The following IPO7 variants were observed in gnomAD, a reference collection of about 807,000 sequenced individuals.
The protein encoded by IPO7 is importin 7, also known as importin-7.
A neutral mutation model predicts 136.4 loss-of-function variants in IPO7; 13 were observed. That is an observed-to-expected ratio of 0.10 (90% CI 0.06 to 0.15). The LOEUF is 0.15. Ranked by LOEUF, IPO7 falls within the 10% of genes least tolerant of loss-of-function variation. The pLI is 1.00. For synonymous variants in IPO7, 403 were observed against 404.4 expected (o/e 1.00, Z 0.04); for missense variants, 857 against 1,240.6 (o/e 0.69, Z 4.65).
At chr11:9,418,062 C>T (rs1057363918) in intron 6 of IPO7, among the ~76,000 whole-genome samples, 3 of 149,894 alleles carry the variant, frequency 2.0e-5, no homozygotes, top group South Asian at 4.2e-4. Flanking sequence ...TTACTGAATA[C>T]GCTGTTTTGT....
At chr11:9,442,758 C>T (rs966429468) in intron 24 of IPO7, among the ~76,000 whole-genome samples, 12 of 151,102 alleles carry the variant, frequency 7.9e-5, no homozygotes, top group African/African-American at 2.4e-4. Flanking sequence ...TGTGGTGGCT[C>T]ATGCCTGTAA....
intron 12 of IPO7, 92 bp from the exon 13 acceptor site, chr11:9,428,445 CATT>C (rs1855244063): frequency 5.5e-6 from 3 of 543,604 alleles, no homozygotes; most frequent in Non-Finnish European, 9.9e-6. Flanking sequence ...ATATATGTAA[CATT>C]AATAGTCATT....
chr11:9,439,177 G>A (rs1485819726), intron 22 of IPO7, among the ~76,000 whole-genome samples: 6 of 152,000 alleles, frequency 3.9e-5, no homozygotes, highest in African/African-American at 9.7e-5. Context: ...GTGCAACAGC[G>A]CGATCTTGGC....
At chr11:9,405,755 A>G (rs1296257315) in intron 2 of IPO7, among the ~76,000 whole-genome samples, 1 of 152,168 alleles carries the variant, frequency 6.6e-6, no homozygotes, top group East Asian at 1.9e-4. Context: ...ATTTTATGTA[A>G]ATGACTGAAC....
Position 9,445,845 on chromosome 11 carries a change from A to G in IPO7, c.*651A>G, listed in dbSNP as rs1331598589. On this transcript the variant is annotated 3_prime_UTR_variant, in exon 25 of 25. Coordinates refer to ENST00000379719, the MANE Select transcript of IPO7 (RefSeq NM_006391.3). ...CTGCTAGCCTATGTATAAAATAGCAAAATGTTTGCTGTTTATAAAAAGATG... is the reference window on the plus strand; with the variant it reads ...CTGCTAGCCTATGTATAAAATAGCAGAATGTTTGCTGTTTATAAAAAGATG... The G allele has an allele frequency of 6.6e-6, 1 of 150,734 alleles. No homozygotes were observed. 9.3% of individuals were successfully genotyped at this position (150,734 alleles called of 1,614,324 possible). A position where few individuals can be genotyped will look rare whatever the true frequency, so the allele number is the denominator to read the frequency against.
In IPO7 at chr11:9,420,636, T is replaced by A; in HGVS notation, c.844T>A (p.Ser282Thr). ...FERYGSPGNVSKEYNEFAEVF... is the reference protein window; with the variant it reads ...FERYGSPGNVTKEYNEFAEVF... ...TAGATATGGAAGCCCTGGCAATGTT[T>A]CCAAGGAGTATAATGAATTTGCTGA... The change falls in exon 8 of 25, where the codon TCC (serine) becomes ACC (threonine). Residue 282 changes from serine (S) to threonine (T), a missense_variant. By Grantham distance (58) the Ser-to-Thr change is moderately conservative (BLOSUM62 1). This residue lies in a region of IPO7 where 287 missense variants were observed against 307.5 expected (regional missense o/e 0.93). Transcript: ENST00000379719. 6.2e-7 allele frequency: 1 copy of A among 1,612,938 alleles called. No individual in the cohort carries two copies.
chr11:9,397,341 A>AAAAAAAAAAAAAAAAAAATAT, intron 1 of IPO7, among the ~76,000 whole-genome samples: 2 of 10,762 alleles, frequency 1.9e-4, no homozygotes, highest in Admixed American at 2.1e-3. Context: ...TTTAAAAAAA[A>AAAAAAAAAAAAAAAAAAATAT]ATATATATAT....
chr11:9,423,884 A>G lies in IPO7; in HGVS notation c.1141+8A>G. The G allele has an allele frequency of 6.4e-7, 1 of 1,554,698 alleles. No homozygotes were observed. The highest frequency in any genetic ancestry group is 8.8e-7 in the Non-Finnish European group (1 of 1,130,456). On this transcript the variant is annotated splice_region_variant and intron_variant, in intron 10 of 24. Transcript: ENST00000379719. ...ATATACGCATGAAGTTTGGTAAGGAATTTTCACGTTTTTAGAAACAAAAAA... is the reference window on the plus strand; with the variant it reads ...ATATACGCATGAAGTTTGGTAAGGAGTTTTCACGTTTTTAGAAACAAAAAA...
Position 9,408,652 on chromosome 11 carries a change from A to T in IPO7, c.320+13A>T, listed in dbSNP as rs1321279074. ...CTGAGCTCATCAGGTATGTATTTTT[A>T]AAATTTACCCATTTCTGCAGGTGTG... On this transcript the variant is annotated intron_variant, in intron 3 of 24. Coordinates refer to ENST00000379719, the MANE Select transcript of IPO7 (RefSeq NM_006391.3). The T allele has an allele frequency of 6.6e-7, 1 of 1,526,406 alleles. No individual in the cohort carries two copies. The highest frequency in any genetic ancestry group is 8.8e-7 in the Non-Finnish European group (1 of 1,138,920). The allele number at this position is 1,526,406 out of a possible 1,614,324, so 94.6% of individuals were successfully genotyped here. A position where few individuals can be genotyped will look rare whatever the true frequency, so the allele number is the denominator to read the frequency against.
chr11:9,403,120 C>G, intron 1 of IPO7, 170 bp from the exon 2 acceptor site: 3 of 633,930 alleles, frequency 4.7e-6, no homozygotes, highest in Non-Finnish European at 5.6e-6. Context: ...TTTAAGTCAT[C>G]AAATTCCTTA....
intron 8 of IPO7, among the ~76,000 whole-genome samples, 184 bp from the exon 9 acceptor site, chr11:9,422,819 ATAG>A (rs1855153409): frequency 6.6e-6 from 1 of 152,196 alleles, no homozygotes; most frequent in Admixed American, 6.5e-5. Context: ...AAAAACGAAG[ATAG>A]TATATAGTTT....
intron 1 of IPO7, among the ~76,000 whole-genome samples, chr11:9,397,402 T>A (rs530445295): frequency 4.1e-4 from 56 of 135,902 alleles, no homozygotes; most frequent in Non-Finnish European, 7.3e-4. Context: ...TAAATTTTTT[T>A]AAATTTTCTG....
chr11:9,385,230 T>C (rs1451190786), intron 1 of IPO7, among the ~76,000 whole-genome samples: 1 of 152,138 alleles, frequency 6.6e-6, no homozygotes, highest in Non-Finnish European at 1.5e-5. Flanking sequence ...TTCAGATGTT[T>C]CTGAGACCAG....
chr11:9,434,925 T>C lies in IPO7; in HGVS notation c.2075-9T>C. ...AAAGATGTGTAACCGATGTTTTTTA[T>C]TAATACAGATATGATGCCCCTCCTT... On this transcript the variant is annotated splice_polypyrimidine_tract_variant and intron_variant, in intron 18 of 24. Coordinates refer to ENST00000379719, the MANE Select transcript of IPO7 (RefSeq NM_006391.3). 6.5e-7 allele frequency: 1 copy of C among 1,528,506 alleles called. No homozygotes were observed. Among genetic ancestry groups the C allele is most frequent in the Non-Finnish European group, 9.1e-7 (1 of 1,104,704 alleles). The allele number at this position is 1,528,506 out of a possible 1,614,324, so 94.7% of individuals were successfully genotyped here. A position where few individuals can be genotyped will look rare whatever the true frequency, so the allele number is the denominator to read the frequency against.
intron 1 of IPO7, among the ~76,000 whole-genome samples, chr11:9,390,181 G>C (rs937319202): frequency 3.3e-5 from 5 of 152,158 alleles, no homozygotes; most frequent in Admixed American, 3.3e-4. Flanking sequence ...CTGAGCCACC[G>C]TGCCCGGCCT....
rs751149347 is a variant in IPO7 at position 9,438,064 on chromosome 11, T to C, written c.2490-16T>C. 1.9e-6 allele frequency: 2 copies of C among 1,073,894 alleles called. No individual in the cohort carries two copies. Among genetic ancestry groups the C allele is most frequent in the Non-Finnish European group, 2.6e-6 (2 of 781,262 alleles). The allele number at this position is 1,073,894 out of a possible 1,614,324, so 66.5% of individuals were successfully genotyped here. On this transcript the variant is annotated splice_polypyrimidine_tract_variant and intron_variant, in intron 21 of 24. Transcript: ENST00000379719. Reference sequence around the variant, plus strand: ...AAAACAGTTTTTTTTTTTTTTTTTTTTTTTTTTTTTTTTAGGCTTCATGAC... The same window carrying C: ...AAAACAGTTTTTTTTTTTTTTTTTTCTTTTTTTTTTTTTAGGCTTCATGAC...
At chr11:9,391,014 C>T (rs1854625483) in intron 1 of IPO7, among the ~76,000 whole-genome samples, 1 of 152,102 alleles carries the variant, frequency 6.6e-6, no homozygotes, top group Non-Finnish European at 1.5e-5. Flanking sequence ...AGGTGATCCA[C>T]CCGCCTCTGC....
At chr11:9,439,798 C>G (rs1855435871) in intron 22 of IPO7, among the ~76,000 whole-genome samples, 1 of 152,106 alleles carries the variant, frequency 6.6e-6, no homozygotes, top group African/African-American at 2.4e-5. Context: ...TGGTCTCAAT[C>G]TCCTGACCTC....
intron 2 of IPO7, among the ~76,000 whole-genome samples, chr11:9,407,535 C>T (rs1854904823): frequency 6.6e-6 from 1 of 152,006 alleles, no homozygotes; most frequent in Non-Finnish European, 1.5e-5. Flanking sequence ...AGCCTGGTGA[C>T]AGAGCAAGAC....
Sources: allele counts gnomAD v4.1 joint callset (sites outside exome capture counted in the v4.1 genomes callset), GRCh38; gene constraint gnomAD v4.1.1; regional missense constraint gnomAD v4.1.1; transcripts MANE v1.5; gene names NCBI Gene and HGNC (gene_info 2026-07-23, HGNC 2026-07-21).